FAM135A: variants seen among roughly 807,000 people sequenced by gnomAD.
The protein encoded by FAM135A is protein FAM135A.
In FAM135A, 79 loss-of-function variants were observed where a neutral mutation model predicts 146.8. The ratio of observed to expected loss-of-function variants is 0.54; its 90% CI spans 0.45 to 0.65. The LOEUF (loss-of-function observed/expected upper bound fraction) is 0.65. Among genes scored for constraint, FAM135A ranks in the 30% least tolerant of loss-of-function variants. FAM135A has a pLI of 0.00. For missense variants in FAM135A, 1,623 were observed against 1,758.2 expected (o/e 0.92, Z 1.38); for synonymous variants, 562 against 603.6 (o/e 0.93, Z 1.01).
chr6:70,477,047 G>T (rs554748650), intron 7 of FAM135A, 112 bp from the exon 8 acceptor site: 2 of 1,161,004 alleles, frequency 1.7e-6, no homozygotes, highest in Admixed American at 3.2e-5. Flanking sequence ...ACTCTTATTC[G>T]AAATTTTTAA....
intron 5 of FAM135A, among the ~76,000 whole-genome samples, chr6:70,455,413 C>T (rs981881095): frequency 3.4e-5 from 5 of 145,054 alleles, no homozygotes; most frequent in East Asian, 2.0e-4. Flanking sequence ...CACACACACA[C>T]GTATATATAC....
chr6:70,510,624 A>G (rs183314633), intron 12 of FAM135A, among the ~76,000 whole-genome samples: 5 of 152,248 alleles, frequency 3.3e-5, no homozygotes, highest in Admixed American at 2.0e-4. Flanking sequence ...TTGTAGCAGA[A>G]TTCCATTGTA....
At chr6:70,490,998 C>T (rs1271934390) in intron 10 of FAM135A, 36 bp from the exon 11 acceptor site, 2 of 1,458,638 alleles carry the variant, frequency 1.4e-6, no homozygotes, top group African/African-American at 2.9e-5. Flanking sequence ...AAATATCTAA[C>T]ATTGGAATAT....
intron 20 of FAM135A, among the ~76,000 whole-genome samples, chr6:70,553,992 A>G (rs1046343415): frequency 2.6e-5 from 4 of 152,180 alleles, no homozygotes; most frequent in Non-Finnish European, 4.4e-5. Flanking sequence ...TAAGAAAGAT[A>G]GCAAGCAAAA....
chr6:70,462,930 T>A (rs116517727), intron 5 of FAM135A, among the ~76,000 whole-genome samples: 2,869 of 151,942 alleles, frequency 0.019, 95 homozygotes, highest in African/African-American at 0.065. Flanking sequence ...AGCAGAACCA[T>A]ATCTTTCTCC....
chr6:70,557,715 A>AAG (rs1382278271), intron 21 of FAM135A: 14 of 151,366 alleles, frequency 9.2e-5, no homozygotes, highest in South Asian at 2.1e-4. Flanking sequence ...AAAAAAAAAA[A>AAG]AAACCCTGGT....
chr6:70,423,125 G>A (rs1416975409), intron 2 of FAM135A, among the ~76,000 whole-genome samples: 2 of 152,204 alleles, frequency 1.3e-5, no homozygotes, highest in African/African-American at 4.8e-5. Flanking sequence ...AGGGAACAAC[G>A]AGTGCAGAGG....
intron 4 of FAM135A, among the ~76,000 whole-genome samples, chr6:70,430,111 C>A (rs1204327690): frequency 1.3e-5 from 2 of 151,966 alleles, no homozygotes; most frequent in East Asian, 3.9e-4. Context: ...CCAAGGCGGG[C>A]AGATCACCAG....
In FAM135A at chr6:70,533,189, A is replaced by G. The variant is rs1796155164; in HGVS notation, c.3805A>G (p.Thr1269Ala). The change falls in exon 17 of 22, where the codon ACT becomes GCT. Residue 1269 changes from threonine to alanine, a missense_variant. Physicochemically the swap from Thr to Ala is moderately conservative, Grantham distance 58. Coordinates refer to ENST00000418814, the MANE Select transcript of FAM135A (RefSeq NM_001162529.3). ...CAGTGCAGATCTCCGATTAGTAAAA[A>G]CTTACATTGAACTTGGATTGCCTGG... ...GNSADLRLVK[T>A]YIELGLPGGR... 1 of 1,613,192 alleles carries G rather than the reference A, an allele frequency of 6.2e-7. No individual in the cohort carries two copies. Among genetic ancestry groups the G allele is most frequent in the Admixed American group, 1.7e-5 (1 of 59,960 alleles).
At chr6:70,510,111 G>A (rs1790653547) in intron 12 of FAM135A, among the ~76,000 whole-genome samples, 1 of 151,908 alleles carries the variant, frequency 6.6e-6, no homozygotes, top group Non-Finnish European at 1.5e-5. Flanking sequence ...AAATACTGTA[G>A]AACACTAAGT....
At chr6:70,559,205 C>T (rs1037633767) in intron 21 of FAM135A, among the ~76,000 whole-genome samples, 16 of 152,212 alleles carry the variant, frequency 1.1e-4, no homozygotes, top group African/African-American at 3.6e-4. Context: ...CTTTGGGAGG[C>T]TGAGGCGGGA....
intron 10 of FAM135A, among the ~76,000 whole-genome samples, chr6:70,486,927 C>CA (rs1784776964): frequency 1.3e-5 from 2 of 150,066 alleles, no homozygotes; most frequent in African/African-American, 2.5e-5. Context: ...AACTCTGCCT[C>CA]AAAAAAAACT....
intron 20 of FAM135A, among the ~76,000 whole-genome samples, chr6:70,538,732 C>G (rs1797231393): frequency 6.6e-6 from 1 of 150,840 alleles, no homozygotes; most frequent in East Asian, 1.9e-4. Context: ...CCCCGCTGTT[C>G]TAGCTGTCTC....
Position 70,420,748 on chromosome 6 carries a change from T to G in FAM135A, c.-134+5372T>G, listed in dbSNP as rs768859023. On this transcript the variant is annotated intron_variant, in intron 2 of 21. Transcript: ENST00000418814. ...AATTTTAATAGTAATTTAATCCATA[T>G]TTTCAAAACATTATTTCAAGATGTG... 9.1e-4 allele frequency among the ~76,000 whole-genome samples: 138 copies of G among 152,326 alleles called. 2 individuals are homozygous for G. Among genetic ancestry groups the G allele is most frequent in the Admixed American group, 5.2e-3 (80 of 15,290 alleles).
At chr6:70,554,966 A>G (rs1046042765) in intron 20 of FAM135A, among the ~76,000 whole-genome samples, 5 of 152,150 alleles carry the variant, frequency 3.3e-5, no homozygotes, top group African/African-American at 1.2e-4. Flanking sequence ...AACTCATTCT[A>G]TTGGAATTAC....
rs1422362193 is a variant in FAM135A, at chr6:70,561,066, A to C, written c.*1145A>C. 6.6e-6 allele frequency: 1 copy of C among 152,602 alleles called. No individual in the cohort carries two copies. The highest frequency in any genetic ancestry group is 2.4e-5 in the African/African-American group (1 of 41,468). The allele number at this position is 152,602 out of a possible 1,614,324, so 9.5% of individuals were successfully genotyped here. ...TGCACTCACTAATTGTGACAGACAG[A>C]GGTTTTTGTAAGTATTTATTGTACA... On this transcript the variant is annotated 3_prime_UTR_variant, in exon 22 of 22. Transcript: ENST00000418814.
intron 18 of FAM135A, among the ~76,000 whole-genome samples, chr6:70,534,953 A>G (rs1468054488): frequency 2.0e-5 from 3 of 152,172 alleles, no homozygotes; most frequent in African/African-American, 7.2e-5. Flanking sequence ...GTTTGGAGGA[A>G]GAGATTATTT....
chr6:70,554,590 G>A (rs9942468), intron 20 of FAM135A, among the ~76,000 whole-genome samples: 2,466 of 152,178 alleles, frequency 0.016, 66 homozygotes, highest in African/African-American at 0.056. Context: ...GGAGTATAAG[G>A]TCCAGGTACA....
intron 14 of FAM135A, 79 bp from the exon 15 acceptor site, chr6:70,524,264 T>C (rs576345293): frequency 2.7e-4 from 378 of 1,402,342 alleles, no homozygotes; most frequent in Middle Eastern, 4.7e-4. Context: ...TTAGAAGTTA[T>C]AGTTAGAAAA....
Sources: allele counts gnomAD v4.1 joint callset (sites outside exome capture counted in the v4.1 genomes callset), GRCh38; gene constraint gnomAD v4.1.1; transcripts MANE v1.5; gene names NCBI Gene and HGNC (gene_info 2026-07-23, HGNC 2026-07-21).